The following LRRTM4 variants were observed in gnomAD, a reference collection of about 807,000 sequenced individuals.
LRRTM4 encodes leucine rich repeat transmembrane neuronal 4, also known as leucine-rich repeat transmembrane neuronal protein 4.
LRRTM4 carries 25 observed loss-of-function variants against 47.6 expected under a neutral mutation model. That is an observed-to-expected ratio of 0.53 (90% CI 0.38 to 0.73). LRRTM4 has a LOEUF of 0.73. LRRTM4 is among the 30% of genes least tolerant of loss of function. The pLI is 0.00. For synonymous variants in LRRTM4, 311 were observed against 269.5 expected (o/e 1.15, Z -1.51); for missense variants, 638 against 713.4 (o/e 0.89, Z 1.20).
In LRRTM4 at chr2:77,518,958, A is replaced by G; in HGVS notation, c.911T>C (p.Ile304Thr). 1 of 1,611,636 alleles carries G rather than the reference A, an allele frequency of 6.2e-7. No individual in the cohort carries two copies. Among genetic ancestry groups the G allele is most frequent in the Non-Finnish European group, 8.5e-7 (1 of 1,178,794 alleles). The change falls in exon 3 of 4, where the codon ATA (isoleucine) becomes ACA (threonine). Residue 304 changes from isoleucine (I) to threonine (T), a missense_variant. Physicochemically the swap from Ile to Thr is moderately conservative, Grantham distance 89. Coordinates refer to ENST00000409884, the MANE Select transcript of LRRTM4 (RefSeq NM_001134745.3). ...CATATTTCCAGACAATGTGATGGAT[A>G]TTAATGATATCCACGCATTGACAGT... ...QETVNAWISL[I>T]SITLSGNMWE...
intron 3 of LRRTM4, among the ~76,000 whole-genome samples, chr2:76,788,813 A>G (rs1674818396): frequency 6.6e-6 from 1 of 152,144 alleles, no homozygotes; most frequent in South Asian, 2.1e-4. Context: ...TCAAACATAG[A>G]GAAGTTTTTA....
At chr2:77,363,460 C>T (rs1213234409) in intron 3 of LRRTM4, among the ~76,000 whole-genome samples, 3 of 152,156 alleles carry the variant, frequency 2.0e-5, no homozygotes, top group Non-Finnish European at 4.4e-5. Flanking sequence ...GAGATGGAAA[C>T]TAACAAAGCC....
intron 3 of LRRTM4, among the ~76,000 whole-genome samples, chr2:77,407,375 C>A (rs934682617): frequency 1.3e-5 from 2 of 151,328 alleles, no homozygotes; most frequent in African/African-American, 4.9e-5. Flanking sequence ...ATTTTGAGAG[C>A]TGCTGATTCC....
At chr2:76,801,097 C>T (rs1236434504) in intron 3 of LRRTM4, among the ~76,000 whole-genome samples, 9 of 151,884 alleles carry the variant, frequency 5.9e-5, no homozygotes, top group South Asian at 4.2e-4. Context: ...TTGTGGAAGT[C>T]GGTGTGGCGA....
At chr2:77,380,786 A>G (rs1673021197) in intron 3 of LRRTM4, among the ~76,000 whole-genome samples, 1 of 150,754 alleles carries the variant, frequency 6.6e-6, no homozygotes, top group Non-Finnish European at 1.5e-5. Context: ...ACAGAGTGAG[A>G]CTCCATCTCG....
intron 3 of LRRTM4, among the ~76,000 whole-genome samples, chr2:77,483,275 G>A (rs982972444): frequency 1.3e-5 from 2 of 151,838 alleles, no homozygotes; most frequent in African/African-American, 4.8e-5. Flanking sequence ...GACTGCTCAA[G>A]AATTGTTTTT....
chr2:76,978,707 T>C (rs995130775), intron 3 of LRRTM4, among the ~76,000 whole-genome samples: 2 of 152,064 alleles, frequency 1.3e-5, no homozygotes, highest in African/African-American at 2.4e-5. Flanking sequence ...TGAGTATGCA[T>C]AGCGAGCCGC....
chr2:77,195,708 T>G (rs1673801672), intron 3 of LRRTM4, among the ~76,000 whole-genome samples: 3 of 151,982 alleles, frequency 2.0e-5, no homozygotes, highest in Non-Finnish European at 2.9e-5. Context: ...TAATGTAGAG[T>G]GGTAATACAA....
At chr2:76,923,664 A>G (rs1674502644) in intron 3 of LRRTM4, among the ~76,000 whole-genome samples, 1 of 152,082 alleles carries the variant, frequency 6.6e-6, no homozygotes, top group African/African-American at 2.4e-5. Context: ...TTCTAAAATT[A>G]TATTTTGTTT....
chr2:77,103,408 A>G (rs1473817864), intron 3 of LRRTM4, among the ~76,000 whole-genome samples: 3 of 152,230 alleles, frequency 2.0e-5, no homozygotes, highest in South Asian at 4.1e-4. Context: ...AAACAACTCA[A>G]TGCAATCTCC....
At chr2:76,770,469 T>C (rs192076738) in intron 3 of LRRTM4, among the ~76,000 whole-genome samples, 6 of 152,286 alleles carry the variant, frequency 3.9e-5, no homozygotes, top group African/African-American at 1.4e-4. Context: ...GTTTGTGTCT[T>C]GTACCTATGT....
intron 3 of LRRTM4, among the ~76,000 whole-genome samples, chr2:77,473,987 G>A (rs1677284851): frequency 6.6e-6 from 1 of 151,962 alleles, no homozygotes; most frequent in Admixed American, 6.6e-5. Flanking sequence ...ATGTGAGCCG[G>A]GTGGATGTGA....
intron 3 of LRRTM4, among the ~76,000 whole-genome samples, chr2:76,889,638 C>T (rs985234): frequency 0.24 from 36,539 of 151,838 alleles, 5,227 homozygotes; most frequent in East Asian, 0.51. Flanking sequence ...ATCAAGTTAA[C>T]TGATGATCCA....
intron 3 of LRRTM4, among the ~76,000 whole-genome samples, chr2:76,835,730 T>G (rs1671491502): frequency 6.6e-6 from 1 of 152,028 alleles, no homozygotes; most frequent in Non-Finnish European, 1.5e-5. Context: ...TACATCCACC[T>G]GTCACGGTAA....
At chr2:77,158,781 T>C (rs1398737802) in intron 3 of LRRTM4, among the ~76,000 whole-genome samples, 1 of 152,002 alleles carries the variant, frequency 6.6e-6, no homozygotes, top group Non-Finnish European at 1.5e-5. Flanking sequence ...CTAAGTGCTT[T>C]TTTCGTTTTT....
chr2:77,197,251 T>C (rs940695734), intron 3 of LRRTM4, among the ~76,000 whole-genome samples: 3 of 152,134 alleles, frequency 2.0e-5, no homozygotes, highest in African/African-American at 7.2e-5. Flanking sequence ...CCAAAATAAG[T>C]GTGCTCCTGG....
chr2:76,868,066 G>A (rs765473273), intron 3 of LRRTM4, among the ~76,000 whole-genome samples: 2 of 152,076 alleles, frequency 1.3e-5, no homozygotes, highest in Admixed American at 1.3e-4. Flanking sequence ...CAGATGTTCC[G>A]TCCTACACAG....
intron 3 of LRRTM4, among the ~76,000 whole-genome samples, chr2:77,079,743 TTAGGTAAGTGCTATTTATTAAA>T (rs1395961038): frequency 3.9e-5 from 6 of 152,272 alleles, no homozygotes; most frequent in Admixed American, 6.5e-5. Context: ...TAGTTAAAAG[TTAGGTAAGTGCTATTTATTAAA>T]TAGGTAACTG....
intron 3 of LRRTM4, among the ~76,000 whole-genome samples, chr2:77,240,208 G>T (rs900404673): frequency 1.3e-5 from 2 of 151,364 alleles, no homozygotes; most frequent in African/African-American, 4.8e-5. Flanking sequence ...ATGACACAAG[G>T]GAAATTAGAA....
Sources: allele counts gnomAD v4.1 joint callset (sites outside exome capture counted in the v4.1 genomes callset), GRCh38; gene constraint gnomAD v4.1.1; transcripts MANE v1.5; gene names NCBI Gene and HGNC (gene_info 2026-07-23, HGNC 2026-07-21).